The following PALD1 variants were observed in gnomAD, a reference collection of about 807,000 sequenced individuals.
PALD1 encodes phosphatase domain containing paladin 1.
A neutral mutation model predicts 96.0 loss-of-function variants in PALD1; 57 were observed. The observed-to-expected ratio is 0.59, with a 90% CI of 0.48 to 0.74. The LOEUF (loss-of-function observed/expected upper bound fraction) is 0.74. PALD1 is among the 30% of genes least tolerant of loss of function. The pLI is 0.00. For missense variants in PALD1, 1,063 were observed against 1,143.7 expected, an observed-to-expected ratio of 0.93 and a Z score of 1.02; for synonymous variants, 464 against 473.6, an observed-to-expected ratio of 0.98 and a Z score of 0.26.
At chr10:70,531,239 G>A (rs757198581) in intron 4 of PALD1, 51 bp from the exon 5 acceptor site, 1 of 1,525,684 alleles carries the variant, frequency 6.6e-7, no homozygotes, top group East Asian at 2.3e-5. Flanking sequence ...TGGTGCAGGT[G>A]TCTGTGCGGG....
Position 70,538,306 on chromosome 10 carries a change from C to T in PALD1, c.1350C>T (p.Phe450=), listed in dbSNP as rs1426828775. 6.2e-7 allele frequency: 1 copy of T among 1,604,666 alleles called. No individual in the cohort carries two copies. Among genetic ancestry groups the T allele is most frequent in the Non-Finnish European group, 8.5e-7 (1 of 1,179,936 alleles). The change falls in exon 12 of 20, where the codon TTC becomes TTT. Residue 450 remains phenylalanine, a synonymous_variant. Coordinates refer to ENST00000263563, the MANE Select transcript of PALD1 (RefSeq NM_014431.3). ...EQYPLAFALS[F]SRWLCAHPEL... ...ACCCGCTGGCCTTTGCCCTCAGTTT[C>T]AGCCGCTGGCTGTGTGCCCACCCTG...
rs368942618 is a variant in PALD1 at position 70,539,175 on chromosome 10, C to A, written c.1653C>A (p.Ala551=). The A allele has an allele frequency of 1.1e-5, 17 of 1,613,224 alleles. No individual in the cohort carries two copies. Among genetic ancestry groups the A allele is most frequent in the Non-Finnish European group, 1.4e-5 (16 of 1,179,668 alleles). ...TCTGGGTGAGCCTTCGGGAGGAGGC[C>A]GTGTTGGAGTGTGACGGGCACACCT... is the stretch of plus-strand genomic sequence containing the variant. ...KVVWVSLREE[A]VLECDGHTYS... Residue 551 remains alanine (A), a synonymous_variant, in exon 14 of 20, where the codon GCC becomes GCA. Transcript: ENST00000263563. The surrounding 1 kb of genome is among the most constrained non-coding windows in gnomAD (Gnocchi z 4.5).
chr10:70,476,195 C>T (rs1239586636), upstream of PALD1, among the ~76,000 whole-genome samples: 1 of 152,186 alleles, frequency 6.6e-6, no homozygotes, highest in Non-Finnish European at 1.5e-5. Context: ...CTGCTCTGAG[C>T]TTCCAGATTT....
chr10:70,537,918 G>T lies in PALD1; in HGVS notation c.1323+12G>T. 1 of 1,576,398 alleles carries T rather than the reference G, an allele frequency of 6.3e-7. No homozygotes were observed. Among genetic ancestry groups the T allele is most frequent in the Non-Finnish European group, 8.7e-7 (1 of 1,145,954 alleles). On this transcript the variant is annotated intron_variant, in intron 11 of 19. Transcript: ENST00000263563. ...ACCTTCATGAGCAGGTGGGGCCTGG[G>T]AGGAGCAGACCCACGTCCCCTCCTC...
At position 70,566,563 on chromosome 10, in the gene PALD1, C is replaced by G. The variant is rs750686991; in HGVS notation, c.2419-18C>G. 2 of 1,593,208 alleles carry G rather than the reference C, an allele frequency of 1.3e-6. No homozygotes were observed. Among genetic ancestry groups the G allele is most frequent in the Non-Finnish European group, 1.7e-6 (2 of 1,169,148 alleles). ...TCCCTCCCCTGAAACACTGCTCCTG[C>G]CTCTGCTCTCCTCCCAGGTGGCATC... is the stretch of plus-strand genomic sequence containing the variant. On this transcript the variant is annotated intron_variant, in intron 19 of 19. Coordinates refer to ENST00000263563, the MANE Select transcript of PALD1 (RefSeq NM_014431.3).
At position 70,565,149 on chromosome 10, in the gene PALD1, C is replaced by T. The variant is rs573690291; in HGVS notation, c.2418+630C>T. Among the ~76,000 whole-genome samples, 3 of 152,334 alleles carry T rather than the reference C, an allele frequency of 2.0e-5. No homozygotes were observed. In the East Asian group the frequency reaches 5.8e-4, roughly 29 times the overall value. On this transcript the variant is annotated intron_variant, in intron 19 of 19. Coordinates refer to ENST00000263563, the MANE Select transcript of PALD1 (RefSeq NM_014431.3). The stretch of plus-strand genomic sequence containing the variant: ...TAGCACACTGTGATTGTCGCTCTCC[C>T]ATTTTACAGAGGCAGAGACTGAGCA...
chr10:70,518,037 G>A (rs1466984277), intron 1 of PALD1, among the ~76,000 whole-genome samples: 2 of 152,138 alleles, frequency 1.3e-5, no homozygotes, highest in Non-Finnish European at 2.9e-5. Flanking sequence ...CCGAGTAACT[G>A]GGATTACAGG....
rs1847211856 is a variant in PALD1, at chr10:70,540,109, G to GGTGTGTGTTATAGGTGT, written c.1908+359_1908+375dup. 6.6e-6 allele frequency among the ~76,000 whole-genome samples: 1 copy of GGTGTGTGTTATAGGTGT among 151,666 alleles called. No homozygotes were observed. The highest frequency in any genetic ancestry group is 2.4e-5 in the African/African-American group (1 of 41,258). ...GTGTATGTGTGTGTATTGTGTTATG[G>GGTGTGTGTTATAGGTGT]GTGTGTGTTATAGGTGTGTGTGTGT... On this transcript the variant is annotated intron_variant, in intron 15 of 19. Transcript: ENST00000263563. This position sits in a 1 kb window ranked among gnomAD's most constrained non-coding sequence, Gnocchi z 4.2.
At chr10:70,520,448 T>G (rs1846706935) in intron 1 of PALD1, among the ~76,000 whole-genome samples, 1 of 152,190 alleles carries the variant, frequency 6.6e-6, no homozygotes, top group East Asian at 1.9e-4. Flanking sequence ...ACCTCTTGCC[T>G]ATTGTTCCTA....
chr10:70,493,761 C>T (rs1197513697), intron 1 of PALD1, among the ~76,000 whole-genome samples: 1 of 152,196 alleles, frequency 6.6e-6, no homozygotes, highest in African/African-American at 2.4e-5. Flanking sequence ...AGCATGGATG[C>T]ACGGCGAGCC....
intron 18 of PALD1, among the ~76,000 whole-genome samples, chr10:70,560,362 C>T (rs950744804): frequency 3.9e-5 from 6 of 152,218 alleles, no homozygotes; most frequent in African/African-American, 1.2e-4. Flanking sequence ...GGGCTCATCT[C>T]CCAGCTCAGA....
intron 1 of PALD1, among the ~76,000 whole-genome samples, chr10:70,514,457 G>C (rs967398240): frequency 1.3e-5 from 2 of 151,236 alleles, no homozygotes; most frequent in African/African-American, 4.9e-5. Flanking sequence ...CCAGCCCCCA[G>C]ACAGCTTTAT....
chr10:70,545,342 G>A (rs1184282364), intron 17 of PALD1, among the ~76,000 whole-genome samples: 4 of 152,028 alleles, frequency 2.6e-5, no homozygotes, highest in African/African-American at 4.8e-5. Context: ...TTATACTTTC[G>A]TAAGACCTCT....
intron 18 of PALD1, among the ~76,000 whole-genome samples, chr10:70,552,774 T>C (rs1425514819): frequency 6.6e-6 from 1 of 152,228 alleles, no homozygotes; most frequent in Non-Finnish European, 1.5e-5. Flanking sequence ...GGTCAATGTT[T>C]AGATGTTTCC....
At position 70,564,434 on chromosome 10, in the gene PALD1, A is replaced by T. The variant is rs1473822842; in HGVS notation, c.2333A>T (p.Tyr778Phe). The T allele has an allele frequency of 6.2e-7, 1 of 1,614,116 alleles. No individual in the cohort carries two copies. Residue 778 changes from tyrosine (Y) to phenylalanine (F), a missense_variant, in exon 19 of 20, where the codon TAT (tyrosine) becomes TTT (phenylalanine). By Grantham distance (22) the Tyr-to-Phe change is conservative. Coordinates refer to ENST00000263563, the MANE Select transcript of PALD1 (RefSeq NM_014431.3). ...CGGAGCCTGCAGTACTTGGAGCGCT[A>T]TGTCTGCCTGATTCTCTTCAACGCG... Reference protein sequence around the residue: ...QLRSLQYLERYVCLILFNAYL... With the variant: ...QLRSLQYLERFVCLILFNAYL...
rs1204858183 is a variant in PALD1, at chr10:70,540,781, C to T, written c.1909-321C>T. Among the ~76,000 whole-genome samples, 3 of 152,208 alleles carry T rather than the reference C, an allele frequency of 2.0e-5. No homozygotes were observed. Among genetic ancestry groups the T allele is most frequent in the Admixed American group, 6.5e-5 (1 of 15,298 alleles). ...CAGCAGTCTATGTGCAGCCCAGGGG[C>T]GCAGTACACAGGGGTGACATACAGG... On this transcript the variant is annotated intron_variant, in intron 15 of 19. Coordinates refer to ENST00000263563, the MANE Select transcript of PALD1 (RefSeq NM_014431.3). This position sits in a 1 kb window ranked among gnomAD's most constrained non-coding sequence, Gnocchi z 4.2.
At position 70,539,568 on chromosome 10, in the gene PALD1, G is replaced by A. The variant is rs1487359268; in HGVS notation, c.1726-12G>A. On this transcript the variant is annotated splice_polypyrimidine_tract_variant and intron_variant, in intron 14 of 19. Transcript: ENST00000263563. This position sits in a 1 kb window ranked among gnomAD's most constrained non-coding sequence, Gnocchi z 4.5. ...CCCAGTGGCCTGTGTCCTCCCTCCT[G>A]CCCTTGCCCAGACCCTGGAGGCCCA... is the stretch of plus-strand genomic sequence containing the variant. The A allele has an allele frequency of 1.3e-6, 2 of 1,598,746 alleles. No individual in the cohort carries two copies. Among genetic ancestry groups the A allele is most frequent in the South Asian group, 1.1e-5 (1 of 90,224 alleles).
intron 1 of PALD1, among the ~76,000 whole-genome samples, chr10:70,509,610 G>A (rs892639056): frequency 3.3e-5 from 5 of 152,206 alleles, no homozygotes; most frequent in African/African-American, 1.2e-4. Context: ...GGAGCAGGAG[G>A]CCCATTCATT....
At chr10:70,489,637 T>C (rs1460361423) in intron 1 of PALD1, among the ~76,000 whole-genome samples, 4 of 152,190 alleles carry the variant, frequency 2.6e-5, no homozygotes, top group African/African-American at 9.7e-5. Context: ...GCTGCTCAAA[T>C]GTGGGTAATA....
Sources: allele counts gnomAD v4.1 joint callset (sites outside exome capture counted in the v4.1 genomes callset), GRCh38; gene constraint gnomAD v4.1.1; non-coding constraint Gnocchi (gnomAD v3.1); transcripts MANE v1.5; gene names NCBI Gene and HGNC (gene_info 2026-07-23, HGNC 2026-07-21).